SZT2: variants seen among roughly 807,000 people sequenced by gnomAD.
The protein encoded by SZT2 is KICSTOR complex protein SZT2.
A neutral mutation model predicts 404.2 loss-of-function variants in SZT2; 216 were observed. The observed-to-expected ratio is 0.53, with a 90% CI of 0.48 to 0.60. The LOEUF (loss-of-function observed/expected upper bound fraction) is 0.60, where lower values mean the gene tolerates loss of function less well. Among genes scored for constraint, SZT2 ranks in the 20% least tolerant of loss-of-function variants. SZT2 has a pLI of 0.00. For synonymous variants in SZT2, 1,693 were observed against 1,749.9 expected (o/e 0.97, Z 0.81); for missense variants, 3,857 against 4,459.2 (o/e 0.86, Z 3.85).
At chr1:43,445,826 G>T (rs138129850) in intron 62 of SZT2, 68 bp from the exon 63 acceptor site, 2 of 1,442,706 alleles carry the variant, frequency 1.4e-6, no homozygotes, top group Non-Finnish European at 2.0e-6. Context: ...AACAGATTCT[G>T]GGTCTGATCA....
Position 43,431,699 on chromosome 1 carries a change from T to G in SZT2, c.5089-17T>G, listed in dbSNP as rs777181746. 1.9e-6 allele frequency: 3 copies of G among 1,612,992 alleles called. No homozygotes were observed. Among genetic ancestry groups the G allele is most frequent in the Non-Finnish European group, 2.5e-6 (3 of 1,179,026 alleles). The stretch of plus-strand genomic sequence containing the variant: ...AAGCAAGGGAGATGCCCTTTGTCAC[T>G]TGCTGTCTAACTGTAGATCCGCTGG... On this transcript the variant is annotated splice_polypyrimidine_tract_variant and intron_variant, in intron 35 of 71. Coordinates refer to ENST00000634258, the MANE Select transcript of SZT2 (RefSeq NM_001365999.1).
Position 43,440,554 on chromosome 1 carries a change from A to G in SZT2, c.7312A>G (p.Lys2438Glu), listed in dbSNP as rs751850860. 6.2e-6 allele frequency: 10 copies of G among 1,607,174 alleles called. No homozygotes were observed. In the South Asian group the frequency reaches 1.0e-4, roughly 16 times the overall value. ...VPGEPVTPPS[K>E]AGRRSFWDML... is the part of the protein sequence containing the mutation. ...TGGGGAGCCTGTGACTCCACCCAGC[A>G]AAGCGGGCCGGCGTAGCTTCTGGGA... Residue 2438 changes from lysine (K) to glutamate (E), a missense_variant, in exon 52 of 72, where the codon AAA becomes GAA. Lys to Glu is a moderately conservative substitution (Grantham distance 56, BLOSUM62 1). This residue lies in a region of SZT2 where 573 missense variants were observed against 592.4 expected (regional missense o/e 0.97). Transcript: ENST00000634258.
Position 43,447,618 on chromosome 1 carries a change from T to C in SZT2, c.9360T>C (p.Ser3120=), listed in dbSNP as rs367855839. The change falls in exon 67 of 72, where the codon TCT becomes TCC. Residue 3120 remains serine, a synonymous_variant. Coordinates refer to ENST00000634258, the MANE Select transcript of SZT2 (RefSeq NM_001365999.1). ...ACTACGTGGCTGATCACGCCAGCTC[T>C]TACCACATGAAGCCATTGCGAATGG... The part of the protein sequence containing the change: ...LYNYVADHAS[S]YHMKPLRMAR... 35 of 1,614,092 alleles carry C rather than the reference T, an allele frequency of 2.2e-5. 1 individual carries two copies. The highest frequency in any genetic ancestry group is 1.8e-4 in the Admixed American group (11 of 60,008).
chr1:43,431,568 G>A (rs781190379), intron 35 of SZT2, 45 bp downstream of exon 35: 157 of 1,610,876 alleles, frequency 9.7e-5, no homozygotes, highest in South Asian at 2.9e-4. Flanking sequence ...CCTTTCCATC[G>A]TATGAGTGAG....
rs1361184953 is a variant in SZT2 at position 43,422,504 on chromosome 1, C to A, written c.1794C>A (p.Thr598=). 6.3e-7 allele frequency: 1 copy of A among 1,594,264 alleles called. No individual in the cohort carries two copies. The highest frequency in any genetic ancestry group is 2.2e-5 in the East Asian group (1 of 44,874). Residue 598 remains threonine (T), a synonymous_variant, in exon 13 of 72, where the codon ACC becomes ACA. Transcript: ENST00000634258. The stretch of plus-strand genomic sequence containing the variant: ...GACCAATCCCCAAGCACTTGCACAC[C>A]CCGGGCAGCAATGGGCGCTACAGCA... ...HDTPIPKHLH[T]PGSNGRYSTI...
intron 4 of SZT2, chr1:43,405,181 T>C (rs1261975283): frequency 6.6e-6 from 1 of 152,252 alleles, no homozygotes; most frequent in East Asian, 1.9e-4. Context: ...TTTATTTATT[T>C]ATTTATTTTT....
chr1:43,447,816 A>G (rs1163871933), intron 67 of SZT2, 33 bp from the exon 68 acceptor site: 6 of 1,613,346 alleles, frequency 3.7e-6, no homozygotes, highest in Non-Finnish European at 5.1e-6. Flanking sequence ...TTAGAACCCC[A>G]GAGTTGACAT....
chr1:43,448,730 T>A lies in SZT2; in HGVS notation c.10086+2T>A. Reference sequence around the variant, plus strand: ...CCAGACTTGGGAACTCAGTACCTGGTAAGTCCCCTTGAGCTTCCTCTGAAA... The same window carrying A: ...CCAGACTTGGGAACTCAGTACCTGGAAAGTCCCCTTGAGCTTCCTCTGAAA... On this transcript the variant is annotated splice_donor_variant, in intron 70 of 71. Coordinates refer to ENST00000634258, the MANE Select transcript of SZT2 (RefSeq NM_001365999.1). LOFTEE classifies it high-confidence loss of function. This position sits in a 1 kb window ranked among gnomAD's most constrained non-coding sequence, Gnocchi z 4.2. 3 of 1,613,422 alleles carry A rather than the reference T, an allele frequency of 1.9e-6. No homozygotes were observed. Among genetic ancestry groups the A allele is most frequent in the Non-Finnish European group, 2.5e-6 (3 of 1,179,378 alleles).
chr1:43,390,374 A>G (rs1159665078), intron 1 of SZT2, among the ~76,000 whole-genome samples: 1 of 152,238 alleles, frequency 6.6e-6, no homozygotes, highest in African/African-American at 2.4e-5. Flanking sequence ...TTGGAATACC[A>G]TAAACAGCAT....
intron 40 of SZT2, among the ~76,000 whole-genome samples, chr1:43,433,607 C>T (rs1285538561): frequency 6.6e-6 from 1 of 152,164 alleles, no homozygotes; most frequent in Non-Finnish European, 1.5e-5. Context: ...CATGGTGAAA[C>T]CCCGTCTCCA....
In SZT2 at chr1:43,424,679, C is replaced by A; in HGVS notation, c.2472-105C>A. 2 of 1,027,812 alleles carry A rather than the reference C, an allele frequency of 1.9e-6. No homozygotes were observed. The highest frequency in any genetic ancestry group is 2.9e-6 in the Non-Finnish European group (2 of 679,264). 63.7% of individuals were successfully genotyped at this position (1,027,812 alleles called of 1,614,324 possible). On this transcript the variant is annotated intron_variant, in intron 16 of 71. Transcript: ENST00000634258. This position sits in a 1 kb window ranked among gnomAD's most constrained non-coding sequence, Gnocchi z 4.1. ...TAAGCAGGGCCAGCAGCAGACTTGG[C>A]TCCTTGAGGACTGCTGGGAGGTGGG... is the stretch of plus-strand genomic sequence containing the variant.
Position 43,432,808 on chromosome 1 carries a change from G to T in SZT2, c.5602+9G>T, listed in dbSNP as rs1483684283. On this transcript the variant is annotated intron_variant, in intron 39 of 71. Transcript: ENST00000634258. ...GGACTCAGACCACCTAGGTAAGCTG[G>T]GGGGACGGGGTGAAGGACTCTAAGC... 7 of 1,613,524 alleles carry T rather than the reference G, an allele frequency of 4.3e-6. No homozygotes were observed. Among genetic ancestry groups the T allele is most frequent in the Non-Finnish European group, 5.9e-6 (7 of 1,179,724 alleles).
At chr1:43,446,099 G>C in intron 63 of SZT2, 80 bp from the exon 64 acceptor site, 1 of 1,593,506 alleles carries the variant, frequency 6.3e-7, no homozygotes, top group Non-Finnish European at 8.6e-7. Context: ...CACCATTAAA[G>C]TCAGGGTCCA....
chr1:43,433,712 G>A (rs1245744158), intron 40 of SZT2, among the ~76,000 whole-genome samples: 2 of 152,218 alleles, frequency 1.3e-5, no homozygotes, highest in African/African-American at 4.8e-5. Context: ...CCTGGGAGGT[G>A]GAGATTGCAG....
At position 43,453,474 on chromosome 1, in the gene SZT2, C is replaced by T. The variant is rs1325752965; in HGVS notation, c.*2994C>T. On this transcript the variant is annotated 3_prime_UTR_variant, in exon 72 of 72. Coordinates refer to ENST00000634258, the MANE Select transcript of SZT2 (RefSeq NM_001365999.1). ...TGTCTCCCGGGGACGGCCCCCAGCC[C>T]CATTTCCCCCTTCTCTTGGTCTCCT... 10 of 1,560,678 alleles carry T rather than the reference C, an allele frequency of 6.4e-6. No individual in the cohort carries two copies. Among genetic ancestry groups the T allele is most frequent in the South Asian group, 2.4e-5 (2 of 84,632 alleles).
At position 43,443,766 on chromosome 1, in the gene SZT2, T is replaced by A. The variant is rs750746676; in HGVS notation, c.8795T>A (p.Val2932Glu). 6.2e-7 allele frequency: 1 copy of A among 1,613,932 alleles called. No individual in the cohort carries two copies. The highest frequency in any genetic ancestry group is 8.5e-7 in the Non-Finnish European group (1 of 1,180,042). ...QYLQSIGFVL[V>E]PLRPPSPARS... Reference sequence around the variant, plus strand: ...CTGCAGAGCATAGGTTTTGTGCTGGTACCACTGCGGCCCCCCTCACCCGCC... The same window carrying A: ...CTGCAGAGCATAGGTTTTGTGCTGGAACCACTGCGGCCCCCCTCACCCGCC... Residue 2932 changes from valine to glutamate, a missense_variant, in exon 62 of 72, where the codon GTA becomes GAA. This residue lies in a region of SZT2 where 717 missense variants were observed against 868.2 expected (regional missense o/e 0.83). Coordinates refer to ENST00000634258, the MANE Select transcript of SZT2 (RefSeq NM_001365999.1).
Position 43,404,395 on chromosome 1 carries a change from G to C in SZT2, c.343G>C (p.Glu115Gln). ...STGIVDDSTGEILFDEVFHAL... is the reference protein window; with the variant it reads ...STGIVDDSTGQILFDEVFHAL... ...CTGCCCTCAGGATGATTCCACAGGGGAGATCTTGTTTGATGAAGTTTTCCA... is the reference window on the plus strand; with the variant it reads ...CTGCCCTCAGGATGATTCCACAGGGCAGATCTTGTTTGATGAAGTTTTCCA... The change falls in exon 4 of 72, where the codon GAG (glutamate) becomes CAG (glutamine). Residue 115 changes from glutamate to glutamine, a missense_variant. Physicochemically the swap from Glu to Gln is conservative, Grantham distance 29. This residue lies in a region of SZT2 where 536 missense variants were observed against 637.4 expected (regional missense o/e 0.84). Transcript: ENST00000634258. The C allele has an allele frequency of 6.2e-7, 1 of 1,613,540 alleles. No individual in the cohort carries two copies. Among genetic ancestry groups the C allele is most frequent in the Non-Finnish European group, 8.5e-7 (1 of 1,179,764 alleles).
At chr1:43,395,593 A>T (rs1648901719) in intron 1 of SZT2, among the ~76,000 whole-genome samples, 1 of 152,240 alleles carries the variant, frequency 6.6e-6, no homozygotes, top group South Asian at 2.1e-4. Flanking sequence ...GGGCCACTGC[A>T]CGTGGCTGTT....
At chr1:43,407,850 T>TTG (rs1650511280) in intron 4 of SZT2, among the ~76,000 whole-genome samples, 1 of 126,156 alleles carries the variant, frequency 7.9e-6, no homozygotes, top group African/African-American at 2.8e-5. Flanking sequence ...TTTTTTTTTT[T>TTG]GAGACAGAAT....
Sources: gnomAD v4.1 joint callset for allele counts (sites outside exome capture counted in the v4.1 genomes callset) on GRCh38, gnomAD v4.1.1 for gene constraint, gnomAD v4.1.1 regional missense constraint, Gnocchi (gnomAD v3.1) non-coding constraint, MANE v1.5 for transcripts, NCBI Gene and HGNC (gene_info 2026-07-23, HGNC 2026-07-21) for gene names.